Variants in STARD9 observed in about 807,000 individuals in gnomAD.
STARD9 encodes the protein StAR related lipid transfer domain containing 9.
A neutral mutation model predicts 399.8 loss-of-function variants in STARD9; 346 were observed. The ratio of observed to expected loss-of-function variants is 0.87; its 90% CI spans 0.79 to 0.95. STARD9 has a LOEUF of 0.95. Ranked by LOEUF, STARD9 falls within the 40% of genes least tolerant of loss-of-function variation. The pLI is 0.00. For missense variants in STARD9, 5,832 were observed against 5,667.5 expected, an observed-to-expected ratio of 1.03 and a Z score of -0.93; for synonymous variants, 2,203 against 2,143.5, an observed-to-expected ratio of 1.03 and a Z score of -0.77.
At chr15:42,708,353 T>C (rs1482277618) in intron 26 of STARD9, among the ~76,000 whole-genome samples, 1 of 152,252 alleles carries the variant, frequency 6.6e-6, no homozygotes, top group African/African-American at 2.4e-5. Flanking sequence ...AAATAAAGTT[T>C]TACCGGAATA....
Position 42,691,182 on chromosome 15 carries a change from A to G in STARD9, c.9604A>G (p.Ser3202Gly). The G allele has an allele frequency of 6.5e-7, 1 of 1,537,294 alleles. No individual in the cohort carries two copies. Among genetic ancestry groups the G allele is most frequent in the Non-Finnish European group, 8.7e-7 (1 of 1,146,902 alleles). ...TGTAGCAAGGTTAAAACATACCTGC[A>G]GCCCCCAGGAAGACAGTCCCTGGCA... ...KFVARLKHTCSPQEDSPWQEE... is the reference protein window; with the variant it reads ...KFVARLKHTCGPQEDSPWQEE... The change falls in exon 23 of 33, where the codon AGC becomes GGC. Residue 3202 changes from serine to glycine, a missense_variant. By Grantham distance (56) the Ser-to-Gly change is moderately conservative. Coordinates refer to ENST00000290607, the MANE Select transcript of STARD9 (RefSeq NM_020759.3).
At chr15:42,640,208 G>T in intron 7 of STARD9, among the ~76,000 whole-genome samples, 1 of 152,284 alleles carries the variant, frequency 6.6e-6, no homozygotes, top group Middle Eastern at 3.4e-3. Flanking sequence ...GTGAGCCAGC[G>T]TGCTTGGCTG....
chr15:42,670,209 A>G (rs760003668), intron 16 of STARD9: 3 of 152,232 alleles, frequency 2.0e-5, no homozygotes, highest in Non-Finnish European at 2.9e-5. Context: ...CCATCACTAC[A>G]TTTACCTGGA....
chr15:42,700,344 A>G (rs1439183038), intron 26 of STARD9, among the ~76,000 whole-genome samples: 1 of 152,212 alleles, frequency 6.6e-6, no homozygotes, highest in African/African-American at 2.4e-5. Context: ...TAGTTTTTTG[A>G]GAAACCTTCA....
chr15:42,623,961 A>G (rs1363306736), intron 3 of STARD9, among the ~76,000 whole-genome samples: 2 of 152,244 alleles, frequency 1.3e-5, no homozygotes, highest in Non-Finnish European at 1.5e-5. Context: ...CTAGGCTTAC[A>G]ATGGGAATAG....
At chr15:42,613,858 G>A (rs1051704285) in intron 3 of STARD9, among the ~76,000 whole-genome samples, 7 of 151,984 alleles carry the variant, frequency 4.6e-5, no homozygotes, top group Non-Finnish European at 7.4e-5. Context: ...CCAGCTACTC[G>A]GGAGGTTGAG....
chr15:42,720,455 G>A lies in STARD9; in HGVS notation c.*881G>A, dbSNP rs1250135019. On this transcript the variant is annotated 3_prime_UTR_variant, in exon 33 of 33. Transcript: ENST00000290607. The stretch of plus-strand genomic sequence containing the variant: ...GAATGAACTCCCAGAGGAGGTGAGT[G>A]GCTTGTTGGGAGGAAGCTCAGTTCC... 1.3e-5 allele frequency: 2 copies of A among 152,316 alleles called. No homozygotes were observed. The highest frequency in any genetic ancestry group is 2.9e-5 in the Non-Finnish European group (2 of 68,126). The allele number at this position is 152,316 out of a possible 1,614,324, so 9.4% of individuals were successfully genotyped here. A position where few individuals can be genotyped will look rare whatever the true frequency, so the allele number is the denominator to read the frequency against.
chr15:42,581,282 C>G (rs369543850), intron 1 of STARD9: 2 of 1,044,374 alleles, frequency 1.9e-6, no homozygotes. Flanking sequence ...CAGGTGGGGT[C>G]TGAGCCATGG....
At chr15:42,637,210 T>C (rs776329017) in intron 4 of STARD9, among the ~76,000 whole-genome samples, 1 of 152,108 alleles carries the variant, frequency 6.6e-6, no homozygotes, top group Non-Finnish European at 1.5e-5. Flanking sequence ...GTTGTTGTTT[T>C]TGTTGTTTTG....
intron 25 of STARD9, 41 bp from the exon 26 acceptor site, chr15:42,695,702 G>T: frequency 6.6e-7 from 1 of 1,521,642 alleles, no homozygotes; most frequent in Non-Finnish European, 8.8e-7. Context: ...GGAAAGTGAG[G>T]GTGCATCAGA....
chr15:42,641,516 AC>A (rs1433214897), intron 7 of STARD9, among the ~76,000 whole-genome samples: 1 of 91,548 alleles, frequency 1.1e-5, no homozygotes, highest in African/African-American at 4.1e-5. Context: ...CCCTCCCCCC[AC>A]CCCACAACAG....
At chr15:42,576,298 AGG>A (rs1001972734) in intron 1 of STARD9, among the ~76,000 whole-genome samples, 66 of 152,322 alleles carry the variant, frequency 4.3e-4, no homozygotes, top group African/African-American at 1.5e-3. Context: ...ACTGTTAAGT[AGG>A]GGAAGTTGTT....
chr15:42,650,909 TG>T, intron 7 of STARD9, 106 bp from the exon 8 acceptor site: 1 of 697,532 alleles, frequency 1.4e-6, no homozygotes, highest in Non-Finnish European at 2.2e-6. Flanking sequence ...CCCTCATTTT[TG>T]TCTATTAAAC....
chr15:42,627,587 C>T (rs1433907093), intron 3 of STARD9, among the ~76,000 whole-genome samples: 1 of 152,214 alleles, frequency 6.6e-6, no homozygotes, highest in Non-Finnish European at 1.5e-5. Flanking sequence ...ATCCCCCTTT[C>T]CCTCTACCGC....
intron 26 of STARD9, among the ~76,000 whole-genome samples, chr15:42,707,371 A>G (rs887679232): frequency 6.6e-6 from 1 of 152,174 alleles, no homozygotes; most frequent in Non-Finnish European, 1.5e-5. Context: ...AGAAGAGTGG[A>G]TAGGTAAAAT....
Position 42,681,628 on chromosome 15 carries a change from T to G in STARD9, c.2065+16T>G. ...ATTAAAGAAAGTAGGTGTCCACCACTTAATGTGTCTGCCTCACCTCCTTAT... is the reference window on the plus strand; with the variant it reads ...ATTAAAGAAAGTAGGTGTCCACCACGTAATGTGTCTGCCTCACCTCCTTAT... On this transcript the variant is annotated intron_variant, in intron 21 of 32. Coordinates refer to ENST00000290607, the MANE Select transcript of STARD9 (RefSeq NM_020759.3). The G allele has an allele frequency of 1.3e-6, 2 of 1,526,774 alleles. No homozygotes were observed. Among genetic ancestry groups the G allele is most frequent in the East Asian group, 2.5e-5 (1 of 40,718 alleles). The allele number at this position is 1,526,774 out of a possible 1,614,324, so 94.6% of individuals were successfully genotyped here.
intron 9 of STARD9, among the ~76,000 whole-genome samples, chr15:42,656,664 A>G (rs8043472): frequency 0.42 from 63,182 of 152,080 alleles, 18,789 homozygotes; most frequent in African/African-American, 0.84. Context: ...ACCAAATAAT[A>G]GCATTTGCAG....
In STARD9 at chr15:42,600,526, CTTTT is replaced by C. The variant is rs796979908; in HGVS notation, c.234+14902_234+14905del. On this transcript the variant is annotated intron_variant, in intron 3 of 32. Coordinates refer to ENST00000290607, the MANE Select transcript of STARD9 (RefSeq NM_020759.3). ...AGGGTTTTGCTTCGTTTCTTTCTTT[CTTTT>C]TTTTTTTTTTTTGAGACCAAGTTTC... 5.0e-3 allele frequency among the ~76,000 whole-genome samples: 696 copies of C among 139,496 alleles called. 9 individuals are homozygous for C. The highest frequency in any genetic ancestry group is 0.017 in the African/African-American group (667 of 38,592). The allele number at this position is 139,496 out of a possible 152,430, so 91.5% of individuals were successfully genotyped here. A position where few individuals can be genotyped will look rare whatever the true frequency, so the allele number is the denominator to read the frequency against.
intron 3 of STARD9, among the ~76,000 whole-genome samples, chr15:42,592,399 C>T (rs1355430687): frequency 6.6e-6 from 1 of 152,074 alleles, no homozygotes; most frequent in African/African-American, 2.4e-5. Context: ...TTGTCCATTA[C>T]TCCTTGACCC....
Sources: gnomAD v4.1 joint callset for allele counts (sites outside exome capture counted in the v4.1 genomes callset) on GRCh38, gnomAD v4.1.1 for gene constraint, MANE v1.5 for transcripts, NCBI Gene and HGNC (gene_info 2026-07-23, HGNC 2026-07-21) for gene names.